RNF130: variants seen among roughly 807,000 people sequenced by gnomAD.
RNF130 encodes the protein E3 ubiquitin-protein ligase RNF130.
In RNF130, 21 loss-of-function variants were observed where a neutral mutation model predicts 44.6. That is an observed-to-expected ratio of 0.47 (90% CI 0.33 to 0.68). The LOEUF (loss-of-function observed/expected upper bound fraction) is 0.68, where lower values mean the gene tolerates loss of function less well. Among genes scored for constraint, RNF130 ranks in the 30% least tolerant of loss-of-function variants. The pLI is 0.02. For missense variants in RNF130, 479 were observed against 560.6 expected (o/e 0.85, Z 1.47); for synonymous variants, 214 against 210.4 (o/e 1.02, Z -0.15).
chr5:179,945,866 T>C (rs992355019), intron 7 of RNF130, among the ~76,000 whole-genome samples: 1 of 136,424 alleles, frequency 7.3e-6, no homozygotes, highest in African/African-American at 2.8e-5. Context: ...GAGCCTGAGC[T>C]GCATGCATTT....
chr5:179,998,020 T>G (rs1400264707), intron 3 of RNF130, among the ~76,000 whole-genome samples: 1 of 151,426 alleles, frequency 6.6e-6, no homozygotes, highest in Non-Finnish European at 1.5e-5. Context: ...TTTTGTATTT[T>G]TAGTAGAGAC....
intron 1 of RNF130, among the ~76,000 whole-genome samples, chr5:180,044,145 G>A (rs10068594): frequency 0.53 from 80,401 of 151,904 alleles, 22,364 homozygotes; most frequent in South Asian, 0.73. Context: ...ATATAATTAT[G>A]AGCCTTTAAA....
chr5:180,042,304 G>A (rs1048624599), intron 1 of RNF130, among the ~76,000 whole-genome samples: 8 of 152,152 alleles, frequency 5.3e-5, no homozygotes, highest in African/African-American at 1.4e-4. Context: ...TTTGCTACCA[G>A]AGGTCTCCTA....
At chr5:179,972,067 G>C (rs971760391) in intron 5 of RNF130, among the ~76,000 whole-genome samples, 67 of 152,108 alleles carry the variant, frequency 4.4e-4, no homozygotes, top group African/African-American at 1.6e-3. Context: ...CCAATCCATA[G>C]GTAAGCCCCA....
Position 179,955,565 on chromosome 5 carries a change from C to T in RNF130, c.*89G>A. ...AAATAAAATGTACTAAAAATAAATGCTTGTGTGGCATGATTGGTAAATGAT... is the reference window on the plus strand; with the variant it reads ...AAATAAAATGTACTAAAAATAAATGTTTGTGTGGCATGATTGGTAAATGAT... On this transcript the variant is annotated 3_prime_UTR_variant, in exon 9 of 9. Transcript: ENST00000521389. The T allele has an allele frequency of 1.9e-6, 2 of 1,062,628 alleles. No homozygotes were observed. Among genetic ancestry groups the T allele is most frequent in the South Asian group, 1.6e-5 (1 of 61,672 alleles). The allele number at this position is 1,062,628 out of a possible 1,614,324, so 65.8% of individuals were successfully genotyped here.
At chr5:179,946,618 A>C in intron 7 of RNF130, among the ~76,000 whole-genome samples, 1 of 146,138 alleles carries the variant, frequency 6.8e-6, no homozygotes, top group East Asian at 2.0e-4. Flanking sequence ...CAGTGGTGTG[A>C]TCTTGGCTCA....
At chr5:180,029,847 C>T (rs1184287812) in intron 2 of RNF130, among the ~76,000 whole-genome samples, 1 of 100,848 alleles carries the variant, frequency 9.9e-6, no homozygotes, top group Non-Finnish European at 2.0e-5. Context: ...GGCCACTATC[C>T]ACCTCTTTTT....
Position 180,071,442 on chromosome 5 carries a change from G to C in RNF130, c.247+14C>G, listed in dbSNP as rs1319334991. 2 of 1,233,846 alleles carry C rather than the reference G, an allele frequency of 1.6e-6. No homozygotes were observed. The highest frequency in any genetic ancestry group is 3.8e-5 in the South Asian group (1 of 26,248). 76.4% of individuals were successfully genotyped at this position (1,233,846 alleles called of 1,614,324 possible). A position where few individuals can be genotyped will look rare whatever the true frequency, so the allele number is the denominator to read the frequency against. ...GCAGCGACCACCGCCCGCCGCCCCC[G>C]GGCCGGCACTCACCTCCGTGGAGGG... On this transcript the variant is annotated intron_variant, in intron 1 of 8. Coordinates refer to ENST00000521389, the MANE Select transcript of RNF130 (RefSeq NM_018434.6).
chr5:180,004,383 C>A (rs757185031), intron 3 of RNF130, among the ~76,000 whole-genome samples: 2 of 152,148 alleles, frequency 1.3e-5, no homozygotes, highest in Non-Finnish European at 2.9e-5. Context: ...CACAGAAAGG[C>A]ATCATTTTAC....
chr5:179,934,005 A>G, intron 7 of RNF130: 1 of 352,500 alleles, frequency 2.8e-6, no homozygotes, highest in Non-Finnish European at 5.3e-6. Flanking sequence ...CCTGCCTGTG[A>G]AGCTCACAAC....
At chr5:180,006,432 T>A (rs955699169) in intron 3 of RNF130, among the ~76,000 whole-genome samples, 3 of 152,262 alleles carry the variant, frequency 2.0e-5, no homozygotes, top group African/African-American at 7.2e-5. Flanking sequence ...AATTAGCTAC[T>A]GACCTTTCAT....
chr5:179,959,758 C>T (rs1762286222), intron 8 of RNF130, among the ~76,000 whole-genome samples: 1 of 152,112 alleles, frequency 6.6e-6, no homozygotes, highest in South Asian at 2.1e-4. Flanking sequence ...GGAGGAAGAT[C>T]ACCGGGAGCT....
chr5:179,944,033 G>A (rs1454342274), intron 7 of RNF130, among the ~76,000 whole-genome samples: 11 of 150,098 alleles, frequency 7.3e-5, no homozygotes, highest in African/African-American at 2.2e-4. Context: ...GTGCAACGGC[G>A]CGATCTTGGC....
chr5:180,064,736 A>G (rs1333070624), intron 1 of RNF130, among the ~76,000 whole-genome samples: 5 of 151,986 alleles, frequency 3.3e-5, no homozygotes. Flanking sequence ...TCTCTCTTCC[A>G]TTTCTCCACC....
intron 1 of RNF130, among the ~76,000 whole-genome samples, chr5:180,055,586 C>G (rs1764800699): frequency 6.6e-6 from 1 of 152,144 alleles, no homozygotes; most frequent in Non-Finnish European, 1.5e-5. Context: ...CTCTCTCATT[C>G]ATCCGTTTGT....
intron 3 of RNF130, among the ~76,000 whole-genome samples, chr5:180,011,774 A>C (rs1169527769): frequency 2.0e-5 from 3 of 152,100 alleles, no homozygotes; most frequent in African/African-American, 7.2e-5. Context: ...CTTAAAAAAA[A>C]AAAAGTTTTT....
intron 3 of RNF130, among the ~76,000 whole-genome samples, chr5:179,985,294 T>A (rs979920412): frequency 6.6e-6 from 1 of 152,014 alleles, no homozygotes. Flanking sequence ...TAGACTTTCA[T>A]GGCATTTCCT....
chr5:180,015,664 T>A (rs1301030883), intron 2 of RNF130, among the ~76,000 whole-genome samples: 1 of 74,584 alleles, frequency 1.3e-5, no homozygotes. Flanking sequence ...AGGAAAGGAG[T>A]AGGAAAGGAG....
chr5:179,913,712 A>ACAATG (rs1396717926), exon 8 of RNF130: 2 of 152,204 alleles, frequency 1.3e-5, no homozygotes. Context: ...AAGAGGGTGA[A>ACAATG]CCTTTAACAA....
Sources: allele counts gnomAD v4.1 joint callset (sites outside exome capture counted in the v4.1 genomes callset), GRCh38; gene constraint gnomAD v4.1.1; transcripts MANE v1.5; gene names NCBI Gene and HGNC (gene_info 2026-07-23, HGNC 2026-07-21).